The following ZNF664 variants were observed in gnomAD, a reference collection of about 807,000 sequenced individuals.
The protein encoded by ZNF664 is zinc finger Organ of Corti 1.
A neutral mutation model predicts 18.2 loss-of-function variants in ZNF664; 10 were observed. The ratio of observed to expected loss-of-function variants is 0.55; its 90% CI spans 0.34 to 0.93. ZNF664 has a LOEUF of 0.93. Ranked by LOEUF, ZNF664 falls within the 40% of genes least tolerant of loss-of-function variation. The pLI is 0.02. For missense variants in ZNF664, 193 were observed against 319.0 expected (o/e 0.61, Z 3.01); for synonymous variants, 119 against 104.2 (o/e 1.14, Z -0.86).
chr12:123,973,836 C>T, intron 1 of ZNF664, 50 bp from the exon 2 acceptor site: 2 of 1,173,198 alleles, frequency 1.7e-6, no homozygotes, highest in African/African-American at 3.3e-5. Context: ...GACCGGGGAG[C>T]CGGGCGGCTG....
chr12:124,001,906 T>C (rs936924294), intron 3 of ZNF664, among the ~76,000 whole-genome samples: 21 of 152,184 alleles, frequency 1.4e-4, no homozygotes, highest in Non-Finnish European at 2.8e-4. Context: ...GATTCACAAA[T>C]TTCATAAATT....
chr12:124,013,604 T>C lies in ZNF664; in HGVS notation c.*674T>C, dbSNP rs2138472090. 1 of 167,640 alleles carries C rather than the reference T, an allele frequency of 6.0e-6. No homozygotes were observed. Among genetic ancestry groups the C allele is most frequent in the South Asian group, 2.1e-4 (1 of 4,850 alleles). The allele number at this position is 167,640 out of a possible 1,614,324, so 10.4% of individuals were successfully genotyped here. ...TGTCCTTGAACCTTTTTTATTTGTG[T>C]GGATTCTGCTCATCACTGTCTCTGT... On this transcript the variant is annotated 3_prime_UTR_variant, in exon 5 of 5. Coordinates refer to ENST00000337815, the MANE Select transcript of ZNF664 (RefSeq NM_152437.3).
At position 124,012,834 on chromosome 12, in the gene ZNF664, T is replaced by C. The variant is rs759485731; in HGVS notation, c.690T>C (p.Asp230=). ...VHTGEKPFKC[D]ECGKAFSQST... is the part of the protein sequence containing the mutation. ...CAGGAGAGAAACCTTTCAAATGTGA[T>C]GAGTGCGGAAAGGCCTTCAGTCAGA... The change falls in exon 5 of 5, where the codon GAT becomes GAC. Residue 230 remains aspartate, a synonymous_variant. Transcript: ENST00000337815. The C allele has an allele frequency of 2.5e-6, 4 of 1,613,950 alleles. No homozygotes were observed. The Admixed American group carries it at 5.0e-5, about 20-fold the overall frequency.
rs1957172981 is a variant in ZNF664, at chr12:124,014,763, T to C, written c.*1833T>C. ...TGACTGGAAGGGGTTTTTGTATAACTAAAACCTCAGCGCATAAAGGAGATT... is the reference window on the plus strand; with the variant it reads ...TGACTGGAAGGGGTTTTTGTATAACCAAAACCTCAGCGCATAAAGGAGATT... On this transcript the variant is annotated 3_prime_UTR_variant, in exon 5 of 5. Transcript: ENST00000337815. The C allele has an allele frequency of 6.0e-6, 1 of 166,546 alleles. No individual in the cohort carries two copies. Among genetic ancestry groups the C allele is most frequent in the Non-Finnish European group, 1.5e-5 (1 of 68,120 alleles). The allele number at this position is 166,546 out of a possible 1,614,324, so 10.3% of individuals were successfully genotyped here.
At chr12:123,997,022 G>GACAAAGGAA (rs1267839903) in intron 3 of ZNF664, among the ~76,000 whole-genome samples, 1 of 152,102 alleles carries the variant, frequency 6.6e-6, no homozygotes, top group African/African-American at 2.4e-5. Flanking sequence ...TTCCTTGGGA[G>GACAAAGGAA]ACAGAAGCAA....
Position 124,012,581 on chromosome 12 carries a change from A to T in ZNF664, c.437A>T (p.Glu146Val). Residue 146 changes from glutamate to valine, a missense_variant, in exon 5 of 5, where the codon GAA becomes GTA. By Grantham distance (121) the Glu-to-Val change is moderately radical. Around this residue, in one of 3 missense-constraint regions of ZNF664, gnomAD observed 61 missense variants for 153.7 expected, o/e 0.40. Coordinates refer to ENST00000337815, the MANE Select transcript of ZNF664 (RefSeq NM_152437.3). ...ACCGGAGAGAAGCCCTTTAAATGTGAAGAGTGTGGGAAGGCCTTCAGGCAC... is the reference window on the plus strand; with the variant it reads ...ACCGGAGAGAAGCCCTTTAAATGTGTAGAGTGTGGGAAGGCCTTCAGGCAC... ...VHTGEKPFKC[E>V]ECGKAFRHTS... 1.2e-6 allele frequency: 2 copies of T among 1,613,970 alleles called. No individual in the cohort carries two copies. Among genetic ancestry groups the T allele is most frequent in the Non-Finnish European group, 1.7e-6 (2 of 1,179,936 alleles).
intron 2 of ZNF664, among the ~76,000 whole-genome samples, chr12:123,976,421 A>G (rs1430923577): frequency 2.6e-5 from 4 of 152,208 alleles, no homozygotes; most frequent in African/African-American, 9.6e-5. Flanking sequence ...TGCCCATTCC[A>G]GGAACTGAAA....
At chr12:123,983,959 G>A (rs535302319) in intron 2 of ZNF664, among the ~76,000 whole-genome samples, 1 of 147,852 alleles carries the variant, frequency 6.8e-6, no homozygotes, top group Non-Finnish European at 1.5e-5. Flanking sequence ...GCAACTAGAG[G>A]TAGTAACCCA....
At chr12:123,974,335 C>G in intron 2 of ZNF664, 1 of 289,284 alleles carries the variant, frequency 3.5e-6, no homozygotes, top group Non-Finnish European at 6.4e-6. Flanking sequence ...CAAAGGAGAC[C>G]AGATACCGAA....
At position 123,988,068 on chromosome 12, in the gene ZNF664, T is replaced by G. The variant is rs1247536182; in HGVS notation, c.-731T>G. The G allele has an allele frequency of 1.6e-6, 2 of 1,231,544 alleles. No individual in the cohort carries two copies. The highest frequency in any genetic ancestry group is 6.3e-5 in the East Asian group (2 of 31,708). The allele number at this position is 1,231,544 out of a possible 1,614,324, so 76.3% of individuals were successfully genotyped here. ...CAGGATCCTAAGGCCTTTGTAGTCC[T>G]TCAGCCACTGTGGGCCCTGCCTCTG... On this transcript the variant is annotated 5_prime_UTR_variant, in exon 3 of 5. Transcript: ENST00000337815.
intron 2 of ZNF664, among the ~76,000 whole-genome samples, chr12:123,986,442 C>T (rs1188403707): frequency 6.6e-6 from 1 of 152,122 alleles, no homozygotes; most frequent in East Asian, 1.9e-4. Context: ...CTCTGTATGT[C>T]TTTTCTAACC....
rs899443138 is a variant in ZNF664 at position 124,013,415 on chromosome 12, C to T, written c.*485C>T. The T allele has an allele frequency of 5.6e-6, 1 of 178,208 alleles. No individual in the cohort carries two copies. The highest frequency in any genetic ancestry group is 1.3e-5 in the Non-Finnish European group (1 of 74,372). The allele number at this position is 178,208 out of a possible 1,614,324, so 11.0% of individuals were successfully genotyped here. A position where few individuals can be genotyped will look rare whatever the true frequency, so the allele number is the denominator to read the frequency against. On this transcript the variant is annotated 3_prime_UTR_variant, in exon 5 of 5. Coordinates refer to ENST00000337815, the MANE Select transcript of ZNF664 (RefSeq NM_152437.3). ...TTCTGAGGTTAACACTTGATTTAGC[C>T]CCTACATATCTTTCCATATATCCTA...
intron 3 of ZNF664, among the ~76,000 whole-genome samples, chr12:123,992,599 C>G (rs1197974463): frequency 6.6e-6 from 1 of 152,164 alleles, no homozygotes; most frequent in Non-Finnish European, 1.5e-5. Flanking sequence ...CTGGCTGCTA[C>G]TTGAGCCACA....
intron 3 of ZNF664, chr12:124,003,589 G>T (rs1477204102): frequency 1.3e-5 from 2 of 152,128 alleles, no homozygotes; most frequent in Admixed American, 1.3e-4. Flanking sequence ...GTAGAGACGG[G>T]GTTTCACCAT....
At chr12:123,991,772 A>G (rs1594555785) in intron 3 of ZNF664, among the ~76,000 whole-genome samples, 1 of 152,224 alleles carries the variant, frequency 6.6e-6, no homozygotes, top group African/African-American at 2.4e-5. Flanking sequence ...AAGGAAAGCT[A>G]CAGAATGGAT....
chr12:123,992,391 T>A (rs1392162725), intron 3 of ZNF664, among the ~76,000 whole-genome samples: 1 of 152,196 alleles, frequency 6.6e-6, no homozygotes, highest in Non-Finnish European at 1.5e-5. Flanking sequence ...CTTTTCAGTC[T>A]GGAGCAGATT....
intron 3 of ZNF664, among the ~76,000 whole-genome samples, chr12:123,990,552 T>A (rs1956877265): frequency 6.6e-6 from 1 of 152,204 alleles, no homozygotes; most frequent in Non-Finnish European, 1.5e-5. Context: ...TCTTTTCTTC[T>A]GGGCCTGAGC....
At chr12:124,005,659 TC>T (rs1452132810) in intron 3 of ZNF664, among the ~76,000 whole-genome samples, 1 of 152,196 alleles carries the variant, frequency 6.6e-6, no homozygotes, top group African/African-American at 2.4e-5. Flanking sequence ...TCTTTGCTGT[TC>T]CCTTCTCTTG....
chr12:124,011,781 T>C lies in ZNF664; in HGVS notation c.-364T>C. The C allele has an allele frequency of 9.1e-7, 1 of 1,099,408 alleles. No individual in the cohort carries two copies. The highest frequency in any genetic ancestry group is 1.7e-5 in the African/African-American group (1 of 59,286). 68.1% of individuals were successfully genotyped at this position (1,099,408 alleles called of 1,614,324 possible). A position where few individuals can be genotyped will look rare whatever the true frequency, so the allele number is the denominator to read the frequency against. ...CTAGAAGTGAGACATACAAGATTAC[T>C]CTACAAGAGGAAGATTCCAGGGGCT... On this transcript the variant is annotated 5_prime_UTR_variant, in exon 5 of 5. Coordinates refer to ENST00000337815, the MANE Select transcript of ZNF664 (RefSeq NM_152437.3).
Sources: allele counts gnomAD v4.1 joint callset (sites outside exome capture counted in the v4.1 genomes callset), GRCh38; gene constraint gnomAD v4.1.1; regional missense constraint gnomAD v4.1.1; transcripts MANE v1.5; gene names NCBI Gene and HGNC (gene_info 2026-07-23, HGNC 2026-07-21).